Variants in PDSS2 observed in about 807,000 individuals in gnomAD.
The protein encoded by PDSS2 is decaprenyl diphosphate synthase subunit 2.
In PDSS2, 31 loss-of-function variants were observed where a neutral mutation model predicts 44.5. That is an observed-to-expected ratio of 0.70 (90% confidence interval 0.52 to 0.94). PDSS2 has a LOEUF of 0.94. Ranked by LOEUF, PDSS2 falls within the 40% of genes least tolerant of loss-of-function variation. The pLI is 0.00. For synonymous variants in PDSS2, 157 were observed against 180.3 expected (o/e 0.87, Z 1.03); for missense variants, 452 against 482.2 (o/e 0.94, Z 0.59).
At chr6:107,363,773 T>A (rs953813946) in intron 1 of PDSS2, among the ~76,000 whole-genome samples, 1 of 152,198 alleles carries the variant, frequency 6.6e-6, no homozygotes, top group South Asian at 2.1e-4. Flanking sequence ...AGGGCGCTGA[T>A]TGGTGCGTTT....
chr6:107,225,266 G>A (rs572214418), intron 4 of PDSS2, among the ~76,000 whole-genome samples: 3 of 143,192 alleles, frequency 2.1e-5, no homozygotes, highest in South Asian at 2.2e-4. Flanking sequence ...TCCGCCTCCC[G>A]GGTTCATGTG....
intron 2 of PDSS2, among the ~76,000 whole-genome samples, chr6:107,277,001 G>C (rs989587311): frequency 1.3e-5 from 2 of 152,142 alleles, no homozygotes; most frequent in Middle Eastern, 3.2e-3. Context: ...AGAATTATGA[G>C]AAATAAGTTG....
chr6:107,184,357 T>C (rs1230435678), intron 7 of PDSS2, among the ~76,000 whole-genome samples: 2 of 152,180 alleles, frequency 1.3e-5, no homozygotes, highest in Admixed American at 6.5e-5. Context: ...AAAATTTCTA[T>C]ATTCAAGGCT....
At chr6:107,423,628 C>T (rs894033188) in intron 1 of PDSS2, among the ~76,000 whole-genome samples, 3 of 152,144 alleles carry the variant, frequency 2.0e-5, no homozygotes, top group African/African-American at 7.2e-5. Context: ...ATATCACTCT[C>T]CCGAAGCCCT....
intron 1 of PDSS2, among the ~76,000 whole-genome samples, chr6:107,404,614 C>T (rs187703324): frequency 1.4e-4 from 22 of 152,280 alleles, no homozygotes; most frequent in East Asian, 3.9e-4. Context: ...CAAGACAGCA[C>T]GTACAGGGGA....
intron 7 of PDSS2, among the ~76,000 whole-genome samples, chr6:107,170,852 A>G (rs956709776): frequency 3.9e-5 from 6 of 151,914 alleles, no homozygotes; most frequent in African/African-American, 1.2e-4. Context: ...ACCTCAAGTG[A>G]TCCTCCCACC....
chr6:107,279,281 G>A (rs1271671345), intron 2 of PDSS2, among the ~76,000 whole-genome samples: 1 of 152,144 alleles, frequency 6.6e-6, no homozygotes, highest in Non-Finnish European at 1.5e-5. Flanking sequence ...TCGTTGGGGA[G>A]GGGGAATAAG....
chr6:107,287,134 A>C (rs1441320383), intron 2 of PDSS2, among the ~76,000 whole-genome samples: 2 of 152,240 alleles, frequency 1.3e-5, no homozygotes, highest in African/African-American at 2.4e-5. Flanking sequence ...AAAGATCAAG[A>C]AGATACAGTT....
intron 1 of PDSS2, among the ~76,000 whole-genome samples, chr6:107,341,398 T>A (rs1769243794): frequency 6.6e-6 from 1 of 152,176 alleles, no homozygotes; most frequent in Admixed American, 6.5e-5. Flanking sequence ...TTTGGACATG[T>A]TAACTTTGAA....
chr6:107,284,662 C>A (rs377227611), intron 2 of PDSS2, among the ~76,000 whole-genome samples: 129 of 134,270 alleles, frequency 9.6e-4, no homozygotes, highest in South Asian at 1.2e-3. Context: ...ACTTCGTCTC[C>A]AAAAAAAAAA....
intron 3 of PDSS2, among the ~76,000 whole-genome samples, chr6:107,259,481 G>A (rs991911773): frequency 2.0e-5 from 3 of 151,904 alleles, no homozygotes; most frequent in Non-Finnish European, 4.4e-5. Flanking sequence ...TGGCCAACAT[G>A]GTGAAACCCC....
chr6:107,378,721 G>C (rs1779366622), intron 1 of PDSS2, among the ~76,000 whole-genome samples: 1 of 152,214 alleles, frequency 6.6e-6, no homozygotes, highest in South Asian at 2.1e-4. Flanking sequence ...GGGAGGCAGA[G>C]GTTGCAATGA....
intron 1 of PDSS2, among the ~76,000 whole-genome samples, chr6:107,404,633 T>C (rs1396922758): frequency 6.6e-6 from 1 of 152,082 alleles, no homozygotes; most frequent in Non-Finnish European, 1.5e-5. Flanking sequence ...GAACTGCCAT[T>C]TATAAAACCA....
intron 7 of PDSS2, among the ~76,000 whole-genome samples, chr6:107,161,693 T>C (rs887879933): frequency 6.6e-6 from 1 of 152,076 alleles, no homozygotes; most frequent in African/African-American, 2.4e-5. Context: ...AGTTGCAGAG[T>C]TGCAGAGTTG....
intron 1 of PDSS2, among the ~76,000 whole-genome samples, chr6:107,425,321 A>G (rs953665557): frequency 1.6e-5 from 1 of 64,060 alleles, no homozygotes; most frequent in Non-Finnish European, 6.7e-5. Context: ...TGGAGGGCTC[A>G]GAAGAAGACA....
intron 7 of PDSS2, among the ~76,000 whole-genome samples, chr6:107,158,168 A>T (rs1770976844): frequency 6.7e-6 from 1 of 149,408 alleles, no homozygotes; most frequent in Non-Finnish European, 1.5e-5. Context: ...AGTAGAGATC[A>T]GAAGCCAGGT....
In PDSS2 at chr6:107,154,643, C is replaced by G; in HGVS notation, c.1176G>C (p.Val392=). ...SEARSALENI[V]FAVTRFS Reference sequence around the variant, plus strand: ...GTCATGAAAATCTGGTCACAGCAAACACAATGTTTTCTAAAGCAGATCTGG... The same window carrying G: ...GTCATGAAAATCTGGTCACAGCAAAGACAATGTTTTCTAAAGCAGATCTGG... Residue 392 remains valine, a synonymous_variant, in exon 8 of 8, where the codon GTG becomes GTC. Coordinates refer to ENST00000369037, the MANE Select transcript of PDSS2 (RefSeq NM_020381.4). The G allele has an allele frequency of 6.2e-7, 1 of 1,614,198 alleles. No individual in the cohort carries two copies. The highest frequency in any genetic ancestry group is 8.5e-7 in the Non-Finnish European group (1 of 1,180,018).
chr6:107,391,212 C>T (rs1282425543), intron 1 of PDSS2, among the ~76,000 whole-genome samples: 1 of 151,900 alleles, frequency 6.6e-6, no homozygotes, highest in Non-Finnish European at 1.5e-5. Flanking sequence ...CTCTTAAGAT[C>T]AGTGGTGAAC....
At chr6:107,176,368 T>C (rs1385636665) in intron 7 of PDSS2, among the ~76,000 whole-genome samples, 9 of 151,734 alleles carry the variant, frequency 5.9e-5, no homozygotes, top group Non-Finnish European at 1.2e-4. Context: ...GAAAAATGAA[T>C]TCCCAAATCA....
Sources: allele counts gnomAD v4.1 joint callset (sites outside exome capture counted in the v4.1 genomes callset), GRCh38; gene constraint gnomAD v4.1.1; transcripts MANE v1.5; gene names NCBI Gene and HGNC (gene_info 2026-07-23, HGNC 2026-07-21).